EDARADD: variants seen among roughly 807,000 people sequenced by gnomAD.
The protein encoded by EDARADD is EDAR associated via death domain.
A neutral mutation model predicts 25.6 loss-of-function variants in EDARADD; 20 were observed. That is an observed-to-expected ratio of 0.78 (90% CI 0.55 to 1.14). The LOEUF (loss-of-function observed/expected upper bound fraction) is 1.14, where lower values mean the gene tolerates loss of function less well. Among genes scored for constraint, EDARADD ranks in the 50% most tolerant of loss-of-function variants. The pLI, the probability that EDARADD is intolerant of heterozygous loss-of-function variation, is 0.00. For synonymous variants in EDARADD, 86 were observed against 94.4 expected (o/e 0.91, Z 0.52); for missense variants, 225 against 270.1 (o/e 0.83, Z 1.17).
intron 1 of EDARADD, among the ~76,000 whole-genome samples, chr1:236,396,560 C>T (rs139707427): frequency 0.015 from 2,299 of 152,192 alleles, 55 homozygotes; most frequent in African/African-American, 0.051. Context: ...AATGTTCCAT[C>T]CTTAAATTGT....
rs552078271 is a variant in EDARADD, at chr1:236,434,699, G to A, written c.219+7249G>A. ...ATCTGAGGGGAGATTCTGTGACAGAGTGAACTTGGCCTGAGAGAGCTTAGG... is the reference window on the plus strand; with the variant it reads ...ATCTGAGGGGAGATTCTGTGACAGAATGAACTTGGCCTGAGAGAGCTTAGG... On this transcript the variant is annotated intron_variant, in intron 4 of 5. Coordinates refer to ENST00000334232, the MANE Select transcript of EDARADD (RefSeq NM_145861.4). Among the ~76,000 whole-genome samples the A allele has an allele frequency of 2.1e-4, 32 of 152,332 alleles. No homozygotes were observed. The South Asian group carries it at 6.6e-3, about 32-fold the overall frequency.
intron 5 of EDARADD, among the ~76,000 whole-genome samples, chr1:236,474,403 G>A (rs909846021): frequency 3.3e-5 from 5 of 152,122 alleles, no homozygotes; most frequent in African/African-American, 1.2e-4. Context: ...CATCATAAAT[G>A]ACTTGATGTG....
chr1:236,409,417 T>A, intron 2 of EDARADD, 143 bp downstream of exon 2: 1 of 650,266 alleles, frequency 1.5e-6, no homozygotes, highest in Non-Finnish European at 2.7e-6. Context: ...TGCTTTATCT[T>A]GGTATTCTAC....
At chr1:236,392,092 G>T (rs1258606984), upstream of EDARADD, among the ~76,000 whole-genome samples, 1 of 152,150 alleles carries the variant, frequency 6.6e-6, no homozygotes, top group Admixed American at 6.6e-5. Context: ...TTTCCCCAGG[G>T]CTTGGAATTT....
upstream of EDARADD, among the ~76,000 whole-genome samples, chr1:236,390,626 A>G (rs1242625858): frequency 6.6e-6 from 1 of 152,176 alleles, no homozygotes; most frequent in African/African-American, 2.4e-5. Context: ...AAATTCTGAT[A>G]TGTTTCTCCT....
At chr1:236,385,329 A>G (rs1031806374) in intron 3 of EDARADD, among the ~76,000 whole-genome samples, 1 of 148,576 alleles carries the variant, frequency 6.7e-6, no homozygotes, top group African/African-American at 2.5e-5. Context: ...GAATGGCATG[A>G]AGCCGGGAGG....
At chr1:236,384,887 AT>A (rs1667334815) in intron 3 of EDARADD, among the ~76,000 whole-genome samples, 1 of 151,960 alleles carries the variant, frequency 6.6e-6, no homozygotes, top group African/African-American at 2.4e-5. Context: ...ATATTGAATT[AT>A]TTTTATTATA....
chr1:236,351,632 C>A (rs1056339028), intron 3 of EDARADD, among the ~76,000 whole-genome samples: 1 of 151,274 alleles, frequency 6.6e-6, no homozygotes, highest in Non-Finnish European at 1.5e-5. Flanking sequence ...ATCGCTTGAA[C>A]CCAGGAGGCA....
chr1:236,428,824 A>G (rs1189553240), intron 4 of EDARADD, among the ~76,000 whole-genome samples: 1 of 151,964 alleles, frequency 6.6e-6, no homozygotes, highest in African/African-American at 2.4e-5. Context: ...AGATCACGCC[A>G]CTGCACTCCA....
rs934119901 is a variant in EDARADD, at chr1:236,388,922, A to G, written c.-5-20294A>G. 1.2e-4 allele frequency among the ~76,000 whole-genome samples: 18 copies of G among 152,212 alleles called. 1 individual carries two copies. The highest frequency in any genetic ancestry group is 4.3e-4 in the African/African-American group (18 of 41,462). On this transcript the variant is annotated intron_variant, in intron 3 of 7. Coordinates refer to the EDARADD transcript ENST00000439430. ...CATTCTGGGAGTAGAAAGATACTGA[A>G]CGCTAGCTATGGTCACTGATAACAC...
At chr1:236,365,245 C>T (rs912337935) in intron 3 of EDARADD, among the ~76,000 whole-genome samples, 1 of 151,840 alleles carries the variant, frequency 6.6e-6, no homozygotes, top group Non-Finnish European at 1.5e-5. Flanking sequence ...CTCGATGCAG[C>T]CTCAACCTCC....
intron 1 of EDARADD, among the ~76,000 whole-genome samples, chr1:236,397,077 T>C (rs929596215): frequency 2.0e-5 from 3 of 151,816 alleles, no homozygotes; most frequent in Non-Finnish European, 4.4e-5. Flanking sequence ...CCAGGCAAGA[T>C]GGGGGCTGGG....
Position 236,484,706 on chromosome 1 carries a change from C to CAA in EDARADD, c.*2058_*2059insAA, listed in dbSNP as rs886046199. On this transcript the variant is annotated 3_prime_UTR_variant, in exon 6 of 6. Coordinates refer to ENST00000334232, the MANE Select transcript of EDARADD (RefSeq NM_145861.4). The surrounding 1 kb of genome is among the most constrained non-coding windows in gnomAD (Gnocchi z 4.1). Reference sequence around the variant, plus strand: ...CTGGAGACAGAGTGAGAGTCCGTCCCAGAAAAAAAAAAAAAAAAAAAGAAC... The same window carrying CAA: ...CTGGAGACAGAGTGAGAGTCCGTCCCAAAGAAAAAAAAAAAAAAAAAAAGAAC... 1.5e-3 allele frequency: 301 copies of CAA among 204,074 alleles called. 1 individual carries two copies. The highest frequency in any genetic ancestry group is 9.1e-3 in the African/African-American group (276 of 30,314). The allele number at this position is 204,074 out of a possible 1,614,324, so 12.6% of individuals were successfully genotyped here. A position where few individuals can be genotyped will look rare whatever the true frequency, so the allele number is the denominator to read the frequency against.
intron 2 of EDARADD, among the ~76,000 whole-genome samples, chr1:236,412,829 C>T (rs1167441454): frequency 6.6e-6 from 1 of 152,188 alleles, no homozygotes; most frequent in Non-Finnish European, 1.5e-5. Flanking sequence ...TCTGGGAAAA[C>T]TCAGTCTATC....
At chr1:236,374,527 GAT>G (rs1667204767) in intron 3 of EDARADD, among the ~76,000 whole-genome samples, 1 of 152,108 alleles carries the variant, frequency 6.6e-6, no homozygotes, top group Admixed American at 6.6e-5. Flanking sequence ...CACAATAGTA[GAT>G]TCATTTAGTT....
chr1:236,428,199 A>G (rs1299208376), intron 4 of EDARADD, among the ~76,000 whole-genome samples: 2 of 152,128 alleles, frequency 1.3e-5, no homozygotes, highest in Non-Finnish European at 2.9e-5. Flanking sequence ...GCCTTCAAGC[A>G]TCTGTTTAAC....
At chr1:236,403,372 C>T (rs1667649984) in intron 1 of EDARADD, among the ~76,000 whole-genome samples, 1 of 152,186 alleles carries the variant, frequency 6.6e-6, no homozygotes, top group Non-Finnish European at 1.5e-5. Context: ...ACTGCAACCT[C>T]CGCCTTCCGG....
chr1:236,467,632 A>C (rs1267494444), intron 4 of EDARADD, among the ~76,000 whole-genome samples: 2 of 152,162 alleles, frequency 1.3e-5, no homozygotes, highest in African/African-American at 4.8e-5. Flanking sequence ...AAATAAATAG[A>C]AAAGGGAAAG....
intron 1 of EDARADD, 32 bp from the exon 2 acceptor site, chr1:236,409,184 G>T (rs561106854): frequency 2.5e-6 from 4 of 1,572,398 alleles, no homozygotes; most frequent in South Asian, 1.1e-5. Context: ...AAGCAAACCC[G>T]CTCTATTTGT....
Sources: gnomAD v4.1 joint callset for allele counts (sites outside exome capture counted in the v4.1 genomes callset) on GRCh38, gnomAD v4.1.1 for gene constraint, Gnocchi (gnomAD v3.1) non-coding constraint, MANE v1.5 for transcripts, NCBI Gene and HGNC (gene_info 2026-07-23, HGNC 2026-07-21) for gene names.